CLEC18A: variants seen among roughly 807,000 people sequenced by gnomAD.
CLEC18A encodes mannose receptor-like 1.
Under a neutral mutation model 24.0 loss-of-function variants are expected in CLEC18A, and 5 were observed. The ratio of observed to expected loss-of-function variants is 0.21; its 90% CI spans 0.11 to 0.44. The LOEUF (loss-of-function observed/expected upper bound fraction) is 0.44, where lower values mean the gene tolerates loss of function less well. Among genes scored for constraint, CLEC18A ranks in the 20% least tolerant of loss-of-function variants. CLEC18A has a pLI of 0.99. For missense variants in CLEC18A, 83 were observed against 233.4 expected (o/e 0.36, Z 4.20); for synonymous variants, 29 against 100.1 (o/e 0.29, Z 4.24).
chr16:69,950,118 C>T (rs2058929947), upstream of CLEC18A, among the ~76,000 whole-genome samples: 1 of 123,658 alleles, frequency 8.1e-6, no homozygotes, highest in Admixed American at 8.4e-5. Context: ...CAGTTCCAGA[C>T]CGCCTTCATG....
chr16:69,946,076 G>A (rs1206131361), upstream of CLEC18A, among the ~76,000 whole-genome samples: 1 of 100,816 alleles, frequency 9.9e-6, no homozygotes, highest in African/African-American at 4.0e-5. Flanking sequence ...CTCAGTGACA[G>A]AGTGAGACTC....
At chr16:69,965,266 G>A (rs1370473121), downstream of CLEC18A, among the ~76,000 whole-genome samples, 1 of 151,928 alleles carries the variant, frequency 6.6e-6, no homozygotes. Flanking sequence ...TCCCTGCCCG[G>A]GCACTGGCGC....
At chr16:69,945,151 A>G in the CLEC18A span, among the ~76,000 whole-genome samples, 3 of 147,384 alleles carry the variant, frequency 2.0e-5, no homozygotes, top group East Asian at 3.9e-4. Flanking sequence ...GTAGCTGGGT[A>G]TGGTGGCACG....
At chr16:69,964,917 T>C (rs1380848581), downstream of CLEC18A, among the ~76,000 whole-genome samples, 1 of 152,108 alleles carries the variant, frequency 6.6e-6, no homozygotes, top group Non-Finnish European at 1.5e-5. Context: ...TCCTCCTGCC[T>C]CAGCCACCCA....
chr16:69,945,463 G>A, the CLEC18A span, among the ~76,000 whole-genome samples: 1 of 152,222 alleles, frequency 6.6e-6, no homozygotes, highest in African/African-American at 2.4e-5. Flanking sequence ...AATGTGTTTT[G>A]GTTATTCTAA....
upstream of CLEC18A, among the ~76,000 whole-genome samples, chr16:69,946,461 A>G (rs567214313): frequency 7.4e-6 from 1 of 135,372 alleles, no homozygotes; most frequent in East Asian, 2.3e-4. Context: ...GCAGTGGCGC[A>G]ATCTCGGCTC....
chr16:69,954,426 C>G lies in CLEC18A; in HGVS notation c.309C>G (p.Thr103=), dbSNP rs1186155214. ...GCCTGGCGTCCGGCCTGTGGCGCACCCTGCAAGTGGGCTGGAACATGCAGC... is the reference window on the plus strand; with the variant it reads ...GCCTGGCGTCCGGCCTGTGGCGCACGCTGCAAGTGGGCTGGAACATGCAGC... ...TPSLASGLWR[T]LQVGWNMQLL... The change falls in exon 3 of 12, where the codon ACC becomes ACG. Residue 103 remains threonine (T), a synonymous_variant. Coordinates refer to ENST00000288040, the MANE Select transcript of CLEC18A (RefSeq NM_001370523.4). The G allele has an allele frequency of 3.7e-6, 6 of 1,611,822 alleles. No individual in the cohort carries two copies. The highest frequency in any genetic ancestry group is 5.1e-6 in the Non-Finnish European group (6 of 1,179,130).
chr16:69,964,250 C>G (rs867722088), downstream of CLEC18A: 1 of 143,772 alleles, frequency 7.0e-6, no homozygotes, highest in Non-Finnish European at 1.5e-5. Flanking sequence ...GTCTGGGAGA[C>G]GACGCGTGTG....
At chr16:69,965,139 T>C (rs1403424482), downstream of CLEC18A, among the ~76,000 whole-genome samples, 1 of 151,692 alleles carries the variant, frequency 6.6e-6, no homozygotes, top group Non-Finnish European at 1.5e-5. Flanking sequence ...TGGCTTCGCC[T>C]GTCTAACCGG....
downstream of CLEC18A, among the ~76,000 whole-genome samples, chr16:69,965,265 G>A (rs1282156903): frequency 6.6e-6 from 1 of 151,922 alleles, no homozygotes. Flanking sequence ...ATCCCTGCCC[G>A]GGCACTGGCG....
upstream of CLEC18A, among the ~76,000 whole-genome samples, chr16:69,947,740 A>G (rs1353021715): frequency 4.9e-5 from 3 of 61,184 alleles, 1 homozygote; most frequent in Admixed American, 4.1e-4. Flanking sequence ...TTTTAGACAG[A>G]GTCTCATTCT....
chr16:69,954,871 T>C (rs1446335555), intron 3 of CLEC18A, among the ~76,000 whole-genome samples: 3 of 152,200 alleles, frequency 2.0e-5, no homozygotes, highest in South Asian at 4.1e-4. Flanking sequence ...CTAATGGCTT[T>C]ATACTTTTAG....
At chr16:69,962,891 C>T (rs2152020734) in intron 10 of CLEC18A, 85 bp from the exon 11 acceptor site, 1 of 1,385,344 alleles carries the variant, frequency 7.2e-7, no homozygotes, top group Non-Finnish European at 1.0e-6. Flanking sequence ...CCCTGAGATG[C>T]AGGGTCCTGA....
chr16:69,965,318 A>T (rs1194118704), downstream of CLEC18A, among the ~76,000 whole-genome samples: 1 of 148,560 alleles, frequency 6.7e-6, no homozygotes, highest in Non-Finnish European at 1.5e-5. Flanking sequence ...CCGGTGGGAG[A>T]CGGGAGGGCC....
upstream of CLEC18A, among the ~76,000 whole-genome samples, chr16:69,946,512 C>G (rs1279106691): frequency 6.9e-6 from 1 of 145,596 alleles, no homozygotes; most frequent in Non-Finnish European, 1.5e-5. Context: ...ATTCTCCTGC[C>G]TCAGCCTCCT....
intron 3 of CLEC18A, among the ~76,000 whole-genome samples, chr16:69,956,702 ACT>A (rs2059040478): frequency 1.1e-5 from 1 of 91,376 alleles, no homozygotes; most frequent in African/African-American, 5.1e-5. Flanking sequence ...GAAAAACCTA[ACT>A]CTGTTTTGTT....
chr16:69,964,287 C>T (rs1023577176), downstream of CLEC18A: 10 of 148,706 alleles, frequency 6.7e-5, no homozygotes, highest in African/African-American at 1.5e-4. Flanking sequence ...GGAGTGTCAT[C>T]GCACCAGGGC....
intron 11 of CLEC18A, among the ~76,000 whole-genome samples, 198 bp downstream of exon 11, chr16:69,963,265 C>T (rs1360840513): frequency 2.6e-5 from 4 of 151,950 alleles, no homozygotes; most frequent in Non-Finnish European, 5.9e-5. Flanking sequence ...CAGCTTCATA[C>T]AGCAAGGCCA....
upstream of CLEC18A, among the ~76,000 whole-genome samples, chr16:69,949,966 CT>C (rs1043741164): frequency 3.8e-4 from 51 of 133,436 alleles, 1 homozygote; most frequent in Non-Finnish European, 6.7e-4. Flanking sequence ...GTGAAACTGT[CT>C]AAAAAATAAA....
Sources: gnomAD v4.1 joint callset for allele counts (sites outside exome capture counted in the v4.1 genomes callset) on GRCh38, gnomAD v4.1.1 for gene constraint, MANE v1.5 for transcripts, NCBI Gene and HGNC (gene_info 2026-07-23, HGNC 2026-07-21) for gene names.